Variants in C12orf50 observed in about 807,000 individuals in gnomAD.
C12orf50 encodes the protein zinc finger CCCH-type containing 11D, also known as uncharacterized protein C12orf50.
Under a neutral mutation model 61.6 loss-of-function variants are expected in C12orf50, and 35 were observed. The ratio of observed to expected loss-of-function variants is 0.57; its 90% CI spans 0.43 to 0.75. C12orf50 has a LOEUF of 0.75. C12orf50 is among the 30% of genes least tolerant of loss of function. The pLI is 0.00. For missense variants in C12orf50, 475 were observed against 488.5 expected, an observed-to-expected ratio of 0.97 and a Z score of 0.26; for synonymous variants, 178 against 161.5, an observed-to-expected ratio of 1.10 and a Z score of -0.77.
At chr12:87,999,028 T>A (rs1592661151) in intron 3 of C12orf50, among the ~76,000 whole-genome samples, 1 of 152,030 alleles carries the variant, frequency 6.6e-6, no homozygotes, top group East Asian at 1.9e-4. Context: ...CCTTAGGTCA[T>A]GAAAAGTTTT....
chr12:88,019,669 G>A (rs2032443162), intron 3 of C12orf50, among the ~76,000 whole-genome samples: 1 of 151,900 alleles, frequency 6.6e-6, no homozygotes, highest in South Asian at 2.1e-4. Context: ...ACATGTAAGA[G>A]ATTGGGGAAA....
intron 3 of C12orf50, among the ~76,000 whole-genome samples, chr12:88,021,117 G>A (rs2032500503): frequency 6.6e-6 from 1 of 152,000 alleles, no homozygotes; most frequent in Non-Finnish European, 1.5e-5. Flanking sequence ...ATCACAACTA[G>A]AAGAACTAGA....
At chr12:88,005,991 A>G (rs1295016750) in intron 3 of C12orf50, among the ~76,000 whole-genome samples, 1 of 136,726 alleles carries the variant, frequency 7.3e-6, no homozygotes, top group African/African-American at 2.8e-5. Flanking sequence ...ATCTCGGCTC[A>G]CTGCAAGCTC....
intron 4 of C12orf50, among the ~76,000 whole-genome samples, chr12:87,997,812 C>G (rs1177298502): frequency 2.0e-5 from 3 of 152,156 alleles, no homozygotes; most frequent in African/African-American, 7.2e-5. Context: ...AGCATCAGAT[C>G]TGTCTCCCAG....
chr12:87,998,275 T>G, intron 3 of C12orf50, 85 bp from the exon 4 acceptor site: 1 of 994,314 alleles, frequency 1.0e-6, no homozygotes, highest in East Asian at 2.7e-5. Context: ...CCCTCCTAAT[T>G]AACTATATAT....
chr12:87,993,300 CA>C (rs1426354375), intron 7 of C12orf50, among the ~76,000 whole-genome samples: 1 of 151,850 alleles, frequency 6.6e-6, no homozygotes, highest in Non-Finnish European at 1.5e-5. Flanking sequence ...TTTTATTAAC[CA>C]AAAAAGCTAT....
rs2031402829 is a variant in C12orf50, at chr12:87,996,550, A to G, written c.367+19T>C. ...ATCACATCAAGTATTAGAAAATACAAAAATGTTTGATTTCTTACCAGATTT... is the reference window on the plus strand; with the variant it reads ...ATCACATCAAGTATTAGAAAATACAGAAATGTTTGATTTCTTACCAGATTT... On this transcript the variant is annotated intron_variant, in intron 5 of 12. Transcript: ENST00000298699. 6.3e-7 allele frequency: 1 copy of G among 1,599,966 alleles called. No individual in the cohort carries two copies. Among genetic ancestry groups the G allele is most frequent in the South Asian group, 1.1e-5 (1 of 90,556 alleles).
intron 3 of C12orf50, among the ~76,000 whole-genome samples, chr12:88,001,687 A>T (rs114303341): frequency 0.029 from 4,364 of 151,274 alleles, 223 homozygotes; most frequent in African/African-American, 0.099. Context: ...GATGTATTCA[A>T]TTTTTTTCTT....
At chr12:87,988,267 C>T (rs2030938950) in intron 8 of C12orf50, among the ~76,000 whole-genome samples, 2 of 152,238 alleles carry the variant, frequency 1.3e-5, no homozygotes, top group South Asian at 4.1e-4. Flanking sequence ...TACATTTTTA[C>T]ATTGAATGGT....
chr12:88,025,845 A>G (rs184904795), intron 3 of C12orf50, among the ~76,000 whole-genome samples: 2 of 152,288 alleles, frequency 1.3e-5, no homozygotes, highest in African/African-American at 2.4e-5. Context: ...TAATAGCCCA[A>G]CCTTCTTCAG....
intron 12 of C12orf50, among the ~76,000 whole-genome samples, chr12:87,981,026 T>A (rs1044255635): frequency 1.3e-5 from 2 of 152,176 alleles, no homozygotes; most frequent in Admixed American, 1.3e-4. Context: ...TTGGGAAGGA[T>A]AAGCATTGTG....
chr12:88,028,231 C>T (rs2032778116), intron 1 of C12orf50, among the ~76,000 whole-genome samples: 1 of 152,174 alleles, frequency 6.6e-6, no homozygotes, highest in Admixed American at 6.5e-5. Context: ...CTCTGCCCAC[C>T]TGGGACATGA....
chr12:88,014,448 T>C (rs1161718441), intron 3 of C12orf50, among the ~76,000 whole-genome samples: 9 of 152,098 alleles, frequency 5.9e-5, no homozygotes, highest in Non-Finnish European at 1.0e-4. Context: ...ACTACAGGCA[T>C]CTGCCACTAC....
At chr12:88,026,370 T>A in intron 3 of C12orf50, 118 bp downstream of exon 3, 1 of 1,120,098 alleles carries the variant, frequency 8.9e-7, no homozygotes, top group South Asian at 1.7e-5. Context: ...AAATTACCCA[T>A]TGGCTATTAA....
At position 88,008,903 on chromosome 12, in the gene C12orf50, T is replaced by TA. The variant is rs1215203662; in HGVS notation, c.134-10714dup. ...TGCTTATGTTTGAACATTTTATAAA[T>TA]AGAGTTAAGCCATATCTATTCTTTC... On this transcript the variant is annotated intron_variant, in intron 3 of 12. Transcript: ENST00000298699. Among the ~76,000 whole-genome samples the TA allele has an allele frequency of 2.6e-5, 4 of 152,306 alleles. No individual in the cohort carries two copies. In the East Asian group the frequency reaches 7.7e-4, roughly 29 times the overall value.
At chr12:88,016,764 T>C (rs554745176) in intron 3 of C12orf50, among the ~76,000 whole-genome samples, 28 of 152,328 alleles carry the variant, frequency 1.8e-4, no homozygotes, top group Admixed American at 5.2e-4. Context: ...CTTGCTCTTA[T>C]GGTACTTTCA....
chr12:87,994,809 T>C, intron 6 of C12orf50, 66 bp from the exon 7 acceptor site: 1 of 991,756 alleles, frequency 1.0e-6, no homozygotes, highest in South Asian at 1.4e-5. Context: ...AAATTTATGA[T>C]AGAATGCATG....
intron 3 of C12orf50, among the ~76,000 whole-genome samples, chr12:88,015,421 C>G (rs572249420): frequency 3.3e-5 from 5 of 152,328 alleles, no homozygotes; most frequent in African/African-American, 4.8e-5. Context: ...CAAGGCATCA[C>G]TGGACACTGA....
intron 3 of C12orf50, among the ~76,000 whole-genome samples, chr12:88,018,992 T>C (rs1565760084): frequency 6.6e-6 from 1 of 152,214 alleles, no homozygotes; most frequent in Non-Finnish European, 1.5e-5. Flanking sequence ...ACTTTTAAGT[T>C]AATGTTAAAA....
Sources: gnomAD v4.1 joint callset for allele counts (sites outside exome capture counted in the v4.1 genomes callset) on GRCh38, gnomAD v4.1.1 for gene constraint, MANE v1.5 for transcripts, NCBI Gene and HGNC (gene_info 2026-07-23, HGNC 2026-07-21) for gene names.